The following RACK1 variants were observed in gnomAD, a reference collection of about 807,000 sequenced individuals.
The protein encoded by RACK1 is small ribosomal subunit protein RACK1.
Under a neutral mutation model 42.2 loss-of-function variants are expected in RACK1, and 3 were observed. That is an observed-to-expected ratio of 0.07 (90% CI 0.03 to 0.18). RACK1 has a LOEUF of 0.18. RACK1 is among the 10% of genes least tolerant of loss of function. The pLI, the probability that RACK1 is intolerant of heterozygous loss-of-function variation, is 1.00. For synonymous variants in RACK1, 181 were observed against 154.8 expected, an observed-to-expected ratio of 1.17 and a Z score of -1.25; for missense variants, 146 against 403.2, an observed-to-expected ratio of 0.36 and a Z score of 5.46.
intron 5 of RACK1, chr5:181,238,493 CTCA>C (rs1467675511): frequency 6.7e-6 from 3 of 444,810 alleles, no homozygotes; most frequent in Non-Finnish European, 1.2e-5. Flanking sequence ...GGATCCCAAT[CTCA>C]TCAACTGCTT....
chr5:181,241,443 A>T, intron 3 of RACK1, 49 bp downstream of exon 3: 1 of 1,485,796 alleles, frequency 6.7e-7, no homozygotes, highest in Non-Finnish European at 9.1e-7. Flanking sequence ...AAAAAAAAAA[A>T]GCAAAGTTTA....
intron 3 of RACK1, 70 bp from the exon 4 acceptor site, chr5:181,239,652 C>A: frequency 1.0e-6 from 1 of 959,546 alleles, no homozygotes; most frequent in Non-Finnish European, 1.7e-6. Context: ...CCCAGCCCTA[C>A]CCCTCAGTAG....
chr5:181,242,997 T>C (rs976275889), intron 1 of RACK1: 1 of 345,406 alleles, frequency 2.9e-6, no homozygotes. Context: ...TGGGGCCTCC[T>C]ATGCCTACCT....
Position 181,239,125 on chromosome 5 carries a change from C to T in RACK1, c.578G>A (p.Gly193Asp), listed in dbSNP as rs752388576. ...KLKTNHIGHT[G>D]YLNTVTVSPD... ...AGAGACAGTCACCGTGTTCAGATAGCCTGTGTGGCCAATGTGGTTGGTCTT... is the reference window on the plus strand; with the variant it reads ...AGAGACAGTCACCGTGTTCAGATAGTCTGTGTGGCCAATGTGGTTGGTCTT... Residue 193 changes from glycine to aspartate, a missense_variant, in exon 5 of 8, where the codon GGC (glycine) becomes GAC (aspartate). Gly to Asp is a moderately conservative substitution (Grantham distance 94). Coordinates refer to ENST00000512805, the MANE Select transcript of RACK1 (RefSeq NM_006098.5). The T allele has an allele frequency of 6.2e-7, 1 of 1,613,992 alleles. No homozygotes were observed. The highest frequency in any genetic ancestry group is 1.7e-5 in the Admixed American group (1 of 60,018).
chr5:181,241,386 C>T (rs1343950331), intron 3 of RACK1, 106 bp downstream of exon 3: 7 of 982,494 alleles, frequency 7.1e-6, no homozygotes, highest in African/African-American at 1.7e-5. Flanking sequence ...GCCGAGACTG[C>T]GCCACTGCAC....
Position 181,237,982 on chromosome 5 carries a change from G to C in RACK1, c.777+117C>G, listed in dbSNP as rs772879500. On this transcript the variant is annotated intron_variant, in intron 6 of 7. Transcript: ENST00000512805. ...GTTACTCAGACCAAAATGTCATTAC[G>C]TGGAGGCTGAGAAAGCTTAGCTCCC... is the stretch of plus-strand genomic sequence containing the variant. 13 of 1,091,280 alleles carry C rather than the reference G, an allele frequency of 1.2e-5. No homozygotes were observed. In the African/African-American group the frequency reaches 1.3e-4, roughly 11 times the overall value. The allele number at this position is 1,091,280 out of a possible 1,614,324, so 67.6% of individuals were successfully genotyped here. A position where few individuals can be genotyped will look rare whatever the true frequency, so the allele number is the denominator to read the frequency against.
At chr5:181,239,830 A>G (rs959545717) in intron 3 of RACK1, among the ~76,000 whole-genome samples, 3 of 152,196 alleles carry the variant, frequency 2.0e-5, no homozygotes, top group African/African-American at 7.2e-5. Context: ...GGATCACCTG[A>G]GGTCAGGAGT....
intron 1 of RACK1, chr5:181,242,992 C>T (rs1358984497): frequency 2.9e-6 from 1 of 340,724 alleles, no homozygotes; most frequent in Middle Eastern, 1.1e-3. Context: ...GTAGCTGGGG[C>T]CTCCTATGCC....
At chr5:181,239,671 C>A in intron 3 of RACK1, 89 bp from the exon 4 acceptor site, 1 of 764,134 alleles carries the variant, frequency 1.3e-6, no homozygotes. Flanking sequence ...AGGATGATGG[C>A]TGGCAGCACC....
intron 2 of RACK1, chr5:181,241,965 T>C (rs1759363441): frequency 2.6e-6 from 2 of 772,206 alleles, no homozygotes; most frequent in Admixed American, 1.7e-5. Flanking sequence ...CTCAGAACTT[T>C]TGCACCTGGC....
intron 6 of RACK1, 123 bp downstream of exon 6, chr5:181,237,976 C>T (rs1759203734): frequency 9.6e-7 from 1 of 1,042,858 alleles, no homozygotes; most frequent in Non-Finnish European, 1.5e-6. Flanking sequence ...ACCAAAATGT[C>T]ATTACGTGGA....
chr5:181,238,029 T>C (rs1759205185), intron 6 of RACK1, 70 bp downstream of exon 6: 2 of 1,540,750 alleles, frequency 1.3e-6, no homozygotes, highest in Admixed American at 1.7e-5. Context: ...AGATGGCATA[T>C]ATAATAACCA....
At chr5:181,237,979 T>C (rs1213057473) in intron 6 of RACK1, 120 bp downstream of exon 6, 1 of 1,065,640 alleles carries the variant, frequency 9.4e-7, no homozygotes, top group Non-Finnish European at 1.4e-6. Context: ...AAAATGTCAT[T>C]ACGTGGAGGC....
At chr5:181,243,665 G>A (rs768144690) in intron 1 of RACK1, 27 bp downstream of exon 1, 2 of 1,568,358 alleles carry the variant, frequency 1.3e-6, no homozygotes, top group South Asian at 2.3e-5. Flanking sequence ...TGCAATCTCG[G>A]GTCCTGAAAT....
chr5:181,239,206 C>T (rs1195419099), intron 4 of RACK1, 29 bp from the exon 5 acceptor site: 1 of 1,429,184 alleles, frequency 7.0e-7, no homozygotes, highest in African/African-American at 1.4e-5. Flanking sequence ...GACAGGTGAA[C>T]ATCCTAGCTC....
chr5:181,242,073 C>T (rs1759367909), intron 2 of RACK1, 101 bp downstream of exon 2: 1 of 1,076,142 alleles, frequency 9.3e-7, no homozygotes, highest in African/African-American at 1.5e-5. Flanking sequence ...TTCCAGTTCC[C>T]AAATGGACTG....
chr5:181,239,676 A>G, intron 3 of RACK1, 94 bp from the exon 4 acceptor site: 1 of 750,404 alleles, frequency 1.3e-6, no homozygotes, highest in Non-Finnish European at 2.3e-6. Context: ...GATGGCTGGC[A>G]GCACCTTTCA....
At chr5:181,239,706 T>C (rs254445) in intron 3 of RACK1, 124 bp from the exon 4 acceptor site, 1 of 623,640 alleles carries the variant, frequency 1.6e-6, no homozygotes, top group Non-Finnish European at 2.9e-6. Context: ...AACCCAAACC[T>C]TTAAGCTCAA....
rs1464807292 is a variant in RACK1 at position 181,243,699 on chromosome 5, G to A, written c.102C>T (p.Ala34=). Residue 34 remains alanine (A), a synonymous_variant, in exon 1 of 8, where the codon GCC becomes GCT. Coordinates refer to ENST00000512805, the MANE Select transcript of RACK1 (RefSeq NM_006098.5). Reference sequence around the variant, plus strand: ...ATCTACCTTAGTCCGTACCTCGAGAGGCGGAGAGGATCATGTCCGGGAACT... The same window carrying A: ...ATCTACCTTAGTCCGTACCTCGAGAAGCGGAGAGGATCATGTCCGGGAACT... The part of the protein sequence containing the change: ...TPQFPDMILS[A]SRDKTIIMWK... 1.2e-6 allele frequency: 2 copies of A among 1,603,926 alleles called. No homozygotes were observed. The highest frequency in any genetic ancestry group is 1.7e-5 in the Admixed American group (1 of 58,302).
Sources: allele counts gnomAD v4.1 joint callset (sites outside exome capture counted in the v4.1 genomes callset), GRCh38; gene constraint gnomAD v4.1.1; transcripts MANE v1.5; gene names NCBI Gene and HGNC (gene_info 2026-07-23, HGNC 2026-07-21).